The following C5orf47 variants were observed in gnomAD, a reference collection of about 807,000 sequenced individuals.
The protein encoded by C5orf47 is uncharacterized protein C5orf47.
C5orf47 carries 20 observed loss-of-function variants against 20.6 expected under a neutral mutation model. The observed-to-expected ratio is 0.97, with a 90% CI of 0.68 to 1.41. C5orf47 has a LOEUF of 1.41. Among genes scored for constraint, C5orf47 ranks in the 40% most tolerant of loss-of-function variants. The pLI is 0.00. For synonymous variants in C5orf47, 106 were observed against 97.3 expected (o/e 1.09, Z -0.53); for missense variants, 262 against 238.4 (o/e 1.10, Z -0.65).
downstream of C5orf47, among the ~76,000 whole-genome samples, chr5:174,008,911 A>G (rs1484599541): frequency 6.6e-6 from 1 of 152,082 alleles, no homozygotes; most frequent in Non-Finnish European, 1.5e-5. Context: ...TGAGGCACCA[A>G]ATGACTGGAT....
chr5:173,993,214 GT>G (rs894744672), intron 1 of C5orf47, among the ~76,000 whole-genome samples: 2 of 152,072 alleles, frequency 1.3e-5, no homozygotes, highest in African/African-American at 4.8e-5. Flanking sequence ...GCAATTTAAT[GT>G]TTTTTTCTCA....
At chr5:173,995,525 A>C (rs1759073952) in intron 1 of C5orf47, among the ~76,000 whole-genome samples, 1 of 152,242 alleles carries the variant, frequency 6.6e-6, no homozygotes, top group South Asian at 2.1e-4. Flanking sequence ...TTAGTTAACC[A>C]CTATTATTCT....
chr5:174,008,301 A>G (rs1759322992), downstream of C5orf47, among the ~76,000 whole-genome samples: 1 of 152,182 alleles, frequency 6.6e-6, no homozygotes, highest in Non-Finnish European at 1.5e-5. Flanking sequence ...GGTGACACAG[A>G]AGGTTGTTAA....
intron 1 of C5orf47, among the ~76,000 whole-genome samples, chr5:173,995,699 G>T (rs780207367): frequency 6.6e-6 from 1 of 152,198 alleles, no homozygotes; most frequent in Non-Finnish European, 1.5e-5. Flanking sequence ...AAGGGAAGAT[G>T]GTGATTAGCA....
intron 1 of C5orf47, among the ~76,000 whole-genome samples, chr5:173,996,316 A>G (rs971256498): frequency 2.6e-5 from 4 of 152,330 alleles, no homozygotes; most frequent in African/African-American, 4.8e-5. Flanking sequence ...CACTGGAGCT[A>G]GTCTCAGTAC....
intron 1 of C5orf47, among the ~76,000 whole-genome samples, chr5:173,995,093 G>GTGA (rs1561647285): frequency 6.6e-6 from 1 of 152,118 alleles, no homozygotes. Flanking sequence ...GATTACAGGC[G>GTGA]TGAACCACCA....
chr5:173,989,450 G>C lies in C5orf47; in HGVS notation c.187G>C (p.Val63Leu), dbSNP rs1758938233. Residue 63 changes from valine (V) to leucine (L), a missense_variant, in exon 1 of 5, where the codon GTT becomes CTT. Physicochemically the swap from Val to Leu is conservative, Grantham distance 32. Transcript: ENST00000340147. ...GAGGGAAGCAATGGCGGTGGCGGGC[G>C]TTCAGGGTGGCAGCGAGCTGCCCCT... ...KPREAMAVAG[V>L]QGGSELPLGS... is the part of the protein sequence containing the mutation. 1 of 1,549,590 alleles carries C rather than the reference G, an allele frequency of 6.5e-7. No individual in the cohort carries two copies. The highest frequency in any genetic ancestry group is 1.4e-5 in the African/African-American group (1 of 73,076).
At chr5:174,001,070 T>C in intron 3 of C5orf47, 126 bp from the exon 4 acceptor site, 1 of 686,578 alleles carries the variant, frequency 1.5e-6, no homozygotes, top group Non-Finnish European at 2.5e-6. Flanking sequence ...ACAGAACTTC[T>C]TTATAAAACT....
chr5:174,002,284 A>T (rs890176626), intron 4 of C5orf47, among the ~76,000 whole-genome samples: 11 of 152,132 alleles, frequency 7.2e-5, no homozygotes, highest in Non-Finnish European at 1.2e-4. Flanking sequence ...AGACATGAAC[A>T]TGAGCAAATT....
intron 1 of C5orf47, among the ~76,000 whole-genome samples, chr5:173,991,883 T>C (rs772450708): frequency 3.3e-4 from 51 of 152,352 alleles, no homozygotes; most frequent in Middle Eastern, 3.4e-3. Context: ...GTTGGGATTA[T>C]CTTGTCTTTG....
intron 1 of C5orf47, among the ~76,000 whole-genome samples, chr5:173,991,077 C>A (rs1758988530): frequency 6.6e-6 from 1 of 152,192 alleles, no homozygotes; most frequent in Non-Finnish European, 1.5e-5. Context: ...AATCTGTTTT[C>A]TGTCTCCATA....
In C5orf47 at chr5:174,005,176, C is replaced by T. The variant is rs1035324864; in HGVS notation, c.*922C>T. On this transcript the variant is annotated 3_prime_UTR_variant, in exon 5 of 5. Transcript: ENST00000340147. ...AATGAGGCTTGTTCATGATCAAATTCTGTGTACTCTAGTTGCTTCTTTCCC... is the reference window on the plus strand; with the variant it reads ...AATGAGGCTTGTTCATGATCAAATTTTGTGTACTCTAGTTGCTTCTTTCCC... The T allele has an allele frequency of 2.6e-5, 4 of 152,100 alleles. No homozygotes were observed. The highest frequency in any genetic ancestry group is 7.2e-5 in the African/African-American group (3 of 41,426). 9.4% of individuals were successfully genotyped at this position (152,100 alleles called of 1,614,324 possible).
chr5:174,008,822 CA>C (rs57488841), downstream of C5orf47, among the ~76,000 whole-genome samples: 501 of 75,454 alleles, frequency 6.6e-3, no homozygotes, highest in African/African-American at 0.014. Flanking sequence ...GACTCCATCT[CA>C]AAAAAAAAAA....
At chr5:174,001,903 T>C (rs1393707094) in intron 4 of C5orf47, among the ~76,000 whole-genome samples, 1 of 152,104 alleles carries the variant, frequency 6.6e-6, no homozygotes, top group Non-Finnish European at 1.5e-5. Flanking sequence ...ACTTATTTCT[T>C]TTTTTGTCAC....
At position 174,001,183 on chromosome 5, in the gene C5orf47, ATGT is replaced by A. The variant is rs1332825499; in HGVS notation, c.512-8_512-6del. 6.6e-7 allele frequency: 1 copy of A among 1,512,958 alleles called. No homozygotes were observed. The highest frequency in any genetic ancestry group is 1.4e-5 in the African/African-American group (1 of 71,880). 93.7% of individuals were successfully genotyped at this position (1,512,958 alleles called of 1,614,324 possible). A position where few individuals can be genotyped will look rare whatever the true frequency, so the allele number is the denominator to read the frequency against. On this transcript the variant is annotated splice_polypyrimidine_tract_variant and intron_variant, in intron 3 of 4. Coordinates refer to ENST00000340147, the MANE Select transcript of C5orf47 (RefSeq NM_001144954.2). ...CCAACTTAAATTTTCCTTATTTTTT[ATGT>A]TGTTTGCAGGCTCAAATTACACAAG...
At chr5:174,001,160 A>C (rs1759189207) in intron 3 of C5orf47, 36 bp from the exon 4 acceptor site, 1 of 1,458,478 alleles carries the variant, frequency 6.9e-7, no homozygotes, top group Non-Finnish European at 9.4e-7. Context: ...GCTAGAGGCC[A>C]ACTTAAATTT....
chr5:174,008,838 A>AGAAAG (rs1296087352), downstream of C5orf47, among the ~76,000 whole-genome samples: 2 of 150,406 alleles, frequency 1.3e-5, no homozygotes, highest in East Asian at 1.9e-4. Context: ...AAAAAAAAAA[A>AGAAAG]AAAGAAAGAA....
chr5:173,991,603 TG>T (rs1256790384), intron 1 of C5orf47, among the ~76,000 whole-genome samples: 1 of 152,142 alleles, frequency 6.6e-6, no homozygotes, highest in African/African-American at 2.4e-5. Context: ...TTTATTAATA[TG>T]GAATGTAATA....
At chr5:174,001,692 AC>A in intron 4 of C5orf47, among the ~76,000 whole-genome samples, 1 of 152,000 alleles carries the variant, frequency 6.6e-6, no homozygotes, top group East Asian at 1.9e-4. Context: ...TGCCTCACTT[AC>A]CATATTTACC....
Sources: allele counts gnomAD v4.1 joint callset (sites outside exome capture counted in the v4.1 genomes callset), GRCh38; gene constraint gnomAD v4.1.1; transcripts MANE v1.5; gene names NCBI Gene and HGNC (gene_info 2026-07-23, HGNC 2026-07-21).